Variants in RUFY4 observed in about 807,000 individuals in gnomAD.
The protein encoded by RUFY4 is RUN and FYVE domain-containing protein 4.
RUFY4 carries 73 observed loss-of-function variants against 69.0 expected under a neutral mutation model. The observed-to-expected ratio is 1.06, with a 90% CI of 0.88 to 1.29. The LOEUF is 1.29. Among genes scored for constraint, RUFY4 ranks in the 50% most tolerant of loss-of-function variants. The pLI, the probability that RUFY4 is intolerant of heterozygous loss-of-function variation, is 0.00. For missense variants in RUFY4, 770 were observed against 705.6 expected (o/e 1.09, Z -1.03); for synonymous variants, 287 against 271.8 (o/e 1.06, Z -0.55).
At chr2:218,062,984 C>G (rs978652830) in intron 3 of RUFY4, among the ~76,000 whole-genome samples, 1 of 152,182 alleles carries the variant, frequency 6.6e-6, no homozygotes, top group African/African-American at 2.4e-5. Context: ...GTGTGTGCCT[C>G]CATCCAGCCC....
upstream of RUFY4, chr2:218,070,195 GGCCCT>G: frequency 3.7e-6 from 1 of 269,636 alleles, no homozygotes; most frequent in South Asian, 4.4e-5. Context: ...CCAGAACACA[GGCCCT>G]GTGGGCACAG....
At chr2:218,075,361 A>T in exon 7 of RUFY4, 1 of 1,612,830 alleles carries the variant, frequency 6.2e-7, no homozygotes, top group East Asian at 2.2e-5. Flanking sequence ...TTCCTGGGGA[A>T]CTCAACACCC....
chr2:218,075,795 C>T, intron 7 of RUFY4, 55 bp downstream of exon 9: 2 of 1,358,640 alleles, frequency 1.5e-6, no homozygotes, highest in East Asian at 5.3e-5. Context: ...ACCTGGCCCA[C>T]AGATGAGGGT....
intron 8 of RUFY4, among the ~76,000 whole-genome samples, chr2:218,077,027 G>A (rs1039513147): frequency 2.6e-5 from 4 of 152,138 alleles, no homozygotes; most frequent in South Asian, 2.1e-4. Context: ...CACTGCTGTC[G>A]GTGCTTCTGC....
exon 9 of RUFY4, chr2:218,083,115 A>G (rs1689804703): frequency 6.2e-7 from 1 of 1,613,028 alleles, no homozygotes. Flanking sequence ...CCCAGGTGTC[A>G]GGAAGAGAGA....
intron 2 of RUFY4, among the ~76,000 whole-genome samples, chr2:218,040,891 G>A (rs1959052600): frequency 1.3e-5 from 2 of 152,162 alleles, no homozygotes; most frequent in South Asian, 2.1e-4. Flanking sequence ...TCAAGGTCAC[G>A]AGACTTATTA....
chr2:218,040,672 A>G (rs10178423), intron 2 of RUFY4, among the ~76,000 whole-genome samples: 35,691 of 151,908 alleles, frequency 0.23, 5,291 homozygotes, highest in East Asian at 0.41. Flanking sequence ...AGAGGCTGAC[A>G]GTTTTCCAAT....
At chr2:218,055,488 T>G (rs1689041842) in intron 2 of RUFY4, among the ~76,000 whole-genome samples, 1 of 152,172 alleles carries the variant, frequency 6.6e-6, no homozygotes, top group African/African-American at 2.4e-5. Flanking sequence ...CTAAATTTGG[T>G]GTTACTCTGA....
At chr2:218,089,881 GA>G in intron 10 of RUFY4, 70 bp from the exon 13 acceptor site, 1 of 1,011,410 alleles carries the variant, frequency 9.9e-7, no homozygotes, top group Non-Finnish European at 1.5e-6. Context: ...GGAACTCCAT[GA>G]CCTCAGCGCC....
intron 1 of RUFY4, chr2:218,035,286 A>G (rs990405916): frequency 6.6e-6 from 1 of 152,042 alleles, no homozygotes; most frequent in African/African-American, 2.4e-5. Context: ...AGAGGAGGAG[A>G]CACATGGAGC....
At chr2:218,088,650 A>G (rs916255848) in intron 9 of RUFY4, among the ~76,000 whole-genome samples, 2 of 152,108 alleles carry the variant, frequency 1.3e-5, no homozygotes, top group Non-Finnish European at 2.9e-5. Flanking sequence ...TGCTTAAATA[A>G]TGGGTCCTTA....
chr2:218,067,611 AGGAG>A (rs1689373352), upstream of RUFY4, among the ~76,000 whole-genome samples: 1 of 152,172 alleles, frequency 6.6e-6, no homozygotes, highest in Admixed American at 6.5e-5. Flanking sequence ...CCACAGTTAG[AGGAG>A]GGAGGGAGTC....
In RUFY4 at chr2:218,075,385, A is replaced by T. The variant is rs1365987788; in HGVS notation, c.893A>T (p.Gln298Leu). 3 of 1,613,138 alleles carry T rather than the reference A, an allele frequency of 1.9e-6. No individual in the cohort carries two copies. In the Admixed American group the frequency reaches 5.0e-5, roughly 27 times the overall value. Residue 298 changes from glutamine (Q) to leucine (L), a missense_variant, in exon 7 of 11, where the codon CAG (glutamine) becomes CTG (leucine). Gln to Leu is a moderately radical substitution (Grantham distance 113). Transcript: ENST00000344321. ...AACTCAACACCCAGCACCCAGGGACAGGGGAAGGGGGCTATGGGCACTCAG... is the reference window on the plus strand; with the variant it reads ...AACTCAACACCCAGCACCCAGGGACTGGGGAAGGGGGCTATGGGCACTCAG...
upstream of RUFY4, among the ~76,000 whole-genome samples, chr2:218,066,554 T>C (rs1439459970): frequency 6.6e-6 from 1 of 152,232 alleles, no homozygotes; most frequent in East Asian, 1.9e-4. Flanking sequence ...ATCTCACTTC[T>C]TTTTTATTTT....
chr2:218,036,860 G>A (rs553361512), intron 2 of RUFY4, among the ~76,000 whole-genome samples: 1 of 152,332 alleles, frequency 6.6e-6, no homozygotes, highest in East Asian at 1.9e-4. Context: ...TGTGTGGCAC[G>A]CACATCAGGC....
intron 2 of RUFY4, among the ~76,000 whole-genome samples, chr2:218,051,037 AT>A (rs1309623795): frequency 6.6e-6 from 1 of 152,132 alleles, no homozygotes; most frequent in Non-Finnish European, 1.5e-5. Context: ...AGTTCTTTTC[AT>A]TTTTTAAATT....
At chr2:218,085,922 A>G (rs1193132653) in intron 9 of RUFY4, among the ~76,000 whole-genome samples, 1 of 152,190 alleles carries the variant, frequency 6.6e-6, no homozygotes, top group Non-Finnish European at 1.5e-5. Context: ...TCTTTCTTAC[A>G]CATAAAATGA....
At chr2:218,046,317 A>T (rs1448730875) in intron 2 of RUFY4, among the ~76,000 whole-genome samples, 1 of 151,928 alleles carries the variant, frequency 6.6e-6, no homozygotes, top group Non-Finnish European at 1.5e-5. Flanking sequence ...GTATCCTGTA[A>T]TTGTATAGGG....
At chr2:218,087,484 T>G (rs578192840) in intron 9 of RUFY4, among the ~76,000 whole-genome samples, 1 of 152,292 alleles carries the variant, frequency 6.6e-6, no homozygotes, top group East Asian at 1.9e-4. Context: ...ATAAGGATAC[T>G]ACCTATAGTT....
Sources: gnomAD v4.1 joint callset for allele counts (sites outside exome capture counted in the v4.1 genomes callset) on GRCh38, gnomAD v4.1.1 for gene constraint, MANE v1.5 for transcripts, NCBI Gene and HGNC (gene_info 2026-07-23, HGNC 2026-07-21) for gene names.